NUMB: variants seen among roughly 807,000 people sequenced by gnomAD.
The protein encoded by NUMB is NUMB endocytic adaptor protein.
NUMB carries 29 observed loss-of-function variants against 59.7 expected under a neutral mutation model. The observed-to-expected ratio is 0.49, with a 90% CI of 0.36 to 0.66. NUMB has a LOEUF of 0.66. Among genes scored for constraint, NUMB ranks in the 30% least tolerant of loss-of-function variants. The probability of loss-of-function intolerance (pLI) is 0.00; values close to 1 mark genes in which losing one functional copy is unlikely to be tolerated. For synonymous variants in NUMB, 288 were observed against 288.2 expected, an observed-to-expected ratio of 1.00 and a Z score of 0.01; for missense variants, 723 against 822.0, an observed-to-expected ratio of 0.88 and a Z score of 1.47.
chr14:73,340,744 A>T (rs1450497337), intron 4 of NUMB, among the ~76,000 whole-genome samples: 1 of 152,238 alleles, frequency 6.6e-6, no homozygotes, highest in Non-Finnish European at 1.5e-5. Context: ...AATAAACTCA[A>T]GACACAGAAT....
intron 2 of NUMB, among the ~76,000 whole-genome samples, chr14:73,376,481 G>A (rs1366735741): frequency 5.3e-5 from 8 of 150,578 alleles, no homozygotes; most frequent in African/African-American, 1.2e-4. Flanking sequence ...TCAAAATCCC[G>A]ACAAGTTATT....
chr14:73,408,567 C>G (rs58885392), intron 2 of NUMB, among the ~76,000 whole-genome samples: 1 of 152,076 alleles, frequency 6.6e-6, no homozygotes. Context: ...TAGCAGTATA[C>G]TGTTTTGTTG....
At position 73,276,095 on chromosome 14, in the gene NUMB, G is replaced by GAATTCTGGCAGCATAGC. The variant is rs1483026173; in HGVS notation, c.*466_*482dup. ...GGCAGTTGCTGATATGCCCTCCTGG[G>GAATTCTGGCAGCATAGC]AATTCTGGCAGCATAGCGTGCCTCT... On this transcript the variant is annotated 3_prime_UTR_variant, in exon 13 of 13. Coordinates refer to ENST00000555238, the MANE Select transcript of NUMB (RefSeq NM_001005743.2). The GAATTCTGGCAGCATAGC allele has an allele frequency of 6.5e-6, 1 of 154,196 alleles. No homozygotes were observed. The highest frequency in any genetic ancestry group is 1.4e-5 in the Non-Finnish European group (1 of 69,166). 9.6% of individuals were successfully genotyped at this position (154,196 alleles called of 1,614,324 possible). A position where few individuals can be genotyped will look rare whatever the true frequency, so the allele number is the denominator to read the frequency against.
intron 1 of NUMB, among the ~76,000 whole-genome samples, chr14:73,442,056 A>G (rs1458439780): frequency 2.0e-5 from 3 of 151,954 alleles, no homozygotes; most frequent in Admixed American, 6.6e-5. Context: ...ATACACAAAA[A>G]CAATGAAAAG....
At chr14:73,400,783 T>C (rs771958509) in intron 2 of NUMB, among the ~76,000 whole-genome samples, 4 of 152,226 alleles carry the variant, frequency 2.6e-5, no homozygotes, top group East Asian at 1.9e-4. Context: ...AGCTTCCGGA[T>C]AGATGAACAC....
chr14:73,300,551 G>C (rs1252088330), intron 6 of NUMB, among the ~76,000 whole-genome samples: 2 of 152,110 alleles, frequency 1.3e-5, no homozygotes, highest in Non-Finnish European at 2.9e-5. Context: ...TTCTGGTTCT[G>C]CAAGTTACTC....
rs977297918 is a variant in NUMB, at chr14:73,302,376, A to G, written c.235-5091T>C. On this transcript the variant is annotated intron_variant, in intron 6 of 12. Transcript: ENST00000555238. ...AATTAAGCCCAGCCTTCCTCTCACA[A>G]ATTCTATAGTTGCAATACTTCCACA... Among the ~76,000 whole-genome samples the G allele has an allele frequency of 4.0e-5, 6 of 151,406 alleles. No homozygotes were observed. The South Asian group carries it at 1.0e-3, about 26-fold the overall frequency.
chr14:73,401,131 T>C lies in NUMB; in HGVS notation c.-101+8806A>G, dbSNP rs76007446. Among the ~76,000 whole-genome samples the C allele has an allele frequency of 8.6e-3, 1,309 of 152,284 alleles. 15 individuals are homozygous for C. Among genetic ancestry groups the C allele is most frequent in the East Asian group, 0.047 (246 of 5,186 alleles). ...GTCAGAATTGAGTTAAAATGTAGGA[T>C]ACCCAGCTGGTGTCTGCCAAAGAAT... On this transcript the variant is annotated intron_variant, in intron 2 of 12. Transcript: ENST00000555238.
chr14:73,328,274 C>CAAAA (rs199628671), intron 4 of NUMB, among the ~76,000 whole-genome samples: 5 of 130,734 alleles, frequency 3.8e-5, no homozygotes, highest in African/African-American at 6.3e-5. Flanking sequence ...GACTCCATCT[C>CAAAA]AAAAAAAAAA....
rs182048653 is a variant in NUMB, at chr14:73,399,911, C to A, written c.-101+10026G>T. On this transcript the variant is annotated intron_variant, in intron 2 of 12. Coordinates refer to ENST00000555238, the MANE Select transcript of NUMB (RefSeq NM_001005743.2). ...TAAAAAAATTAGCTGGATGTCGTGG[C>A]ATCTGTAATCCCAGCTACTCGGGAG... Among the ~76,000 whole-genome samples, 421 of 151,808 alleles carry A rather than the reference C, an allele frequency of 2.8e-3. 3 individuals carry two copies. The highest frequency in any genetic ancestry group is 9.9e-3 in the African/African-American group (408 of 41,400).
intron 4 of NUMB, among the ~76,000 whole-genome samples, chr14:73,331,980 T>G (rs1205720660): frequency 6.6e-6 from 1 of 152,198 alleles, no homozygotes; most frequent in Admixed American, 6.5e-5. Flanking sequence ...TATTTTACAT[T>G]AATATGGGGA....
At chr14:73,280,588 A>G (rs981472140) in intron 11 of NUMB, among the ~76,000 whole-genome samples, 2 of 151,758 alleles carry the variant, frequency 1.3e-5, no homozygotes, top group Non-Finnish European at 2.9e-5. Context: ...CCAGCTCTCA[A>G]TAACATTCAG....
intron 4 of NUMB, among the ~76,000 whole-genome samples, chr14:73,347,227 C>T (rs1892964001): frequency 6.6e-6 from 1 of 152,134 alleles, no homozygotes; most frequent in Non-Finnish European, 1.5e-5. Context: ...TCCTTAACCT[C>T]ACACTATCTT....
At chr14:73,306,988 C>T (rs1890472655) in intron 6 of NUMB, among the ~76,000 whole-genome samples, 1 of 152,132 alleles carries the variant, frequency 6.6e-6, no homozygotes. Context: ...TATGGTATGA[C>T]ACACAGTGAT....
intron 1 of NUMB, among the ~76,000 whole-genome samples, chr14:73,455,640 T>C (rs1434675815): frequency 6.6e-6 from 1 of 152,236 alleles, no homozygotes; most frequent in Non-Finnish European, 1.5e-5. Flanking sequence ...GTATATCTAG[T>C]TCCTTTAAAA....
chr14:73,308,707 C>CATCAT (rs1179812848), intron 6 of NUMB, among the ~76,000 whole-genome samples: 1 of 152,256 alleles, frequency 6.6e-6, no homozygotes, highest in East Asian at 1.9e-4. Flanking sequence ...TATTTAAAGC[C>CATCAT]ATCACACTGT....
At chr14:73,302,301 T>C (rs1387080996) in intron 6 of NUMB, among the ~76,000 whole-genome samples, 3 of 152,190 alleles carry the variant, frequency 2.0e-5, no homozygotes, top group African/African-American at 7.2e-5. Flanking sequence ...ACATTATAGT[T>C]ATTTAAGTCA....
At chr14:73,347,080 C>A (rs1892957789) in intron 4 of NUMB, among the ~76,000 whole-genome samples, 1 of 152,190 alleles carries the variant, frequency 6.6e-6, no homozygotes, top group African/African-American at 2.4e-5. Context: ...GCAGCCTCTA[C>A]CTTCCAGGCT....
chr14:73,279,353 G>A lies in NUMB; in HGVS notation c.1168C>T (p.Pro390Ser), dbSNP rs368296479. Residue 390 changes from proline (P) to serine (S), a missense_variant, in exon 12 of 13, where the codon CCT becomes TCT. Physicochemically the swap from Pro to Ser is moderately conservative, Grantham distance 74. This residue lies in a region of NUMB where 406 missense variants were observed against 385.4 expected (regional missense o/e 1.05). Coordinates refer to ENST00000555238, the MANE Select transcript of NUMB (RefSeq NM_001005743.2). ...AHTALAPVAM[P>S]VRETNPWAHA... ...GCCCAAGGGTTGGTTTCACGCACAGGCATTGCTACGGGTGCTAGAGCAGTA... is the reference window on the plus strand; with the variant it reads ...GCCCAAGGGTTGGTTTCACGCACAGACATTGCTACGGGTGCTAGAGCAGTA... The A allele has an allele frequency of 6.2e-7, 1 of 1,613,316 alleles. No homozygotes were observed. The highest frequency in any genetic ancestry group is 1.1e-5 in the South Asian group (1 of 90,998).
Sources: allele counts gnomAD v4.1 joint callset (sites outside exome capture counted in the v4.1 genomes callset), GRCh38; gene constraint gnomAD v4.1.1; regional missense constraint gnomAD v4.1.1; transcripts MANE v1.5; gene names NCBI Gene and HGNC (gene_info 2026-07-23, HGNC 2026-07-21).